The following OXSR1 variants were observed in gnomAD, a reference collection of about 807,000 sequenced individuals.
OXSR1 encodes oxidative stress responsive kinase 1, also known as serine/threonine-protein kinase OSR1.
A neutral mutation model predicts 79.8 loss-of-function variants in OXSR1; 24 were observed. The ratio of observed to expected loss-of-function variants is 0.30; its 90% CI spans 0.22 to 0.42. The LOEUF is 0.42. Among genes scored for constraint, OXSR1 ranks in the 10% least tolerant of loss-of-function variants. The pLI is 1.00. For missense variants in OXSR1, 430 were observed against 618.4 expected (o/e 0.70, Z 3.23); for synonymous variants, 226 against 209.2 (o/e 1.08, Z -0.69).
Position 38,253,709 on chromosome 3 carries a change from A to G in OXSR1, c.*818A>G, listed in dbSNP as rs1703305420. ...GGAAAATCATAATTCATATCATTGG[A>G]GAAGTATTTATTTTCAAATATCAAA... On this transcript the variant is annotated 3_prime_UTR_variant, in exon 18 of 18. Transcript: ENST00000311806. The G allele has an allele frequency of 6.5e-6, 1 of 153,692 alleles. No homozygotes were observed. Among genetic ancestry groups the G allele is most frequent in the African/African-American group, 2.4e-5 (1 of 41,490 alleles). 9.5% of individuals were successfully genotyped at this position (153,692 alleles called of 1,614,324 possible).
chr3:38,211,898 T>TTTGTAG (rs1278772950), intron 4 of OXSR1, among the ~76,000 whole-genome samples: 1 of 152,216 alleles, frequency 6.6e-6, no homozygotes, highest in African/African-American at 2.4e-5. Context: ...GAAGGGTGTG[T>TTTGTAG]TTTGGGTCAA....
Position 38,234,199 on chromosome 3 carries a change from C to T in OXSR1, c.952-2640C>T, listed in dbSNP as rs553460373. ...TGGGAATTTGAGCTAGGCAAAGCTTCCTTAGATATGATACCAAAAATACAA... is the reference window on the plus strand; with the variant it reads ...TGGGAATTTGAGCTAGGCAAAGCTTTCTTAGATATGATACCAAAAATACAA... On this transcript the variant is annotated intron_variant, in intron 10 of 17. Transcript: ENST00000311806. 4.6e-5 allele frequency among the ~76,000 whole-genome samples: 7 copies of T among 152,202 alleles called. No individual in the cohort carries two copies. In the South Asian group the frequency reaches 6.2e-4, roughly 14 times the overall value.
At chr3:38,222,843 T>TA (rs1483490456) in intron 6 of OXSR1, among the ~76,000 whole-genome samples, 1 of 152,210 alleles carries the variant, frequency 6.6e-6, no homozygotes, top group African/African-American at 2.4e-5. Context: ...TTCTTTCTAG[T>TA]ATTTTACTGT....
At chr3:38,215,656 C>T (rs1015339967) in intron 4 of OXSR1, among the ~76,000 whole-genome samples, 6 of 151,984 alleles carry the variant, frequency 3.9e-5, no homozygotes, top group African/African-American at 7.3e-5. Context: ...TTCTATATTA[C>T]GTGTTATAAA....
intron 11 of OXSR1, among the ~76,000 whole-genome samples, chr3:38,238,683 A>T (rs920835529): frequency 2.6e-5 from 4 of 151,912 alleles, no homozygotes; most frequent in South Asian, 4.1e-4. Flanking sequence ...TGACATTCTT[A>T]TTCTTGTTCC....
At chr3:38,236,236 T>C (rs1438379660) in intron 10 of OXSR1, among the ~76,000 whole-genome samples, 1 of 6,444 alleles carries the variant, frequency 1.6e-4, no homozygotes, top group African/African-American at 6.7e-4. Flanking sequence ...AGAGTTAAAT[T>C]TTCATCTTCT....
chr3:38,206,005 C>T (rs1702257640), intron 4 of OXSR1, among the ~76,000 whole-genome samples: 1 of 152,088 alleles, frequency 6.6e-6, no homozygotes, highest in Admixed American at 6.5e-5. Flanking sequence ...CATTTGGTTG[C>T]CTTGAGATTA....
chr3:38,233,765 A>G (rs1433199322), intron 10 of OXSR1, among the ~76,000 whole-genome samples: 1 of 151,936 alleles, frequency 6.6e-6, no homozygotes, highest in Non-Finnish European at 1.5e-5. Context: ...AAAAAAAATT[A>G]GCTGGGCATG....
intron 1 of OXSR1, among the ~76,000 whole-genome samples, chr3:38,170,185 C>T (rs1701550894): frequency 1.3e-5 from 2 of 152,046 alleles, no homozygotes; most frequent in African/African-American, 2.4e-5. Context: ...GGTGGGATTA[C>T]ACATGCGTGC....
At chr3:38,188,056 A>G (rs1701915878) in intron 2 of OXSR1, among the ~76,000 whole-genome samples, 2 of 152,230 alleles carry the variant, frequency 1.3e-5, no homozygotes, top group Admixed American at 6.5e-5. Context: ...CCCCCTTTAA[A>G]GGAATAGAAG....
At chr3:38,177,265 A>G (rs920276858) in intron 1 of OXSR1, among the ~76,000 whole-genome samples, 5 of 152,238 alleles carry the variant, frequency 3.3e-5, no homozygotes, top group Non-Finnish European at 5.9e-5. Context: ...CACTGAAGGC[A>G]AGAGAAAGCA....
chr3:38,248,273 T>A (rs531709891), intron 14 of OXSR1, among the ~76,000 whole-genome samples: 1 of 151,910 alleles, frequency 6.6e-6, no homozygotes, highest in African/African-American at 2.4e-5. Flanking sequence ...TATAGAGAGG[T>A]CCTGACAGAT....
intron 4 of OXSR1, among the ~76,000 whole-genome samples, chr3:38,204,123 A>C (rs1266832272): frequency 1.3e-5 from 2 of 151,610 alleles, no homozygotes; most frequent in African/African-American, 4.9e-5. Context: ...CCACTGCCCC[A>C]AGCTCATGGC....
chr3:38,196,684 A>G lies in OXSR1; in HGVS notation c.293-2038A>G, dbSNP rs534326471. 1.2e-3 allele frequency among the ~76,000 whole-genome samples: 180 copies of G among 152,356 alleles called. 10 individuals carry two copies. The South Asian group carries it at 0.036, about 30-fold the overall frequency. ...AGTTTGAAAAGGAGTTCCTGCTTCA[A>G]ACTCTTTGCAGACTTAGTCACTTTT... On this transcript the variant is annotated intron_variant, in intron 3 of 17. Transcript: ENST00000311806.
intron 5 of OXSR1, among the ~76,000 whole-genome samples, chr3:38,219,167 G>C (rs1481011494): frequency 6.6e-6 from 1 of 152,072 alleles, no homozygotes; most frequent in Non-Finnish European, 1.5e-5. Flanking sequence ...GGTAAAGGGG[G>C]TATTATCACT....
chr3:38,231,172 T>G (rs2125842980), intron 10 of OXSR1, among the ~76,000 whole-genome samples: 1 of 152,310 alleles, frequency 6.6e-6, no homozygotes, highest in East Asian at 1.9e-4. Context: ...TTTTGATACA[T>G]TCCAAGAATT....
intron 5 of OXSR1, among the ~76,000 whole-genome samples, chr3:38,217,190 T>TAACAAA (rs1479052195): frequency 2.0e-5 from 3 of 152,228 alleles, no homozygotes; most frequent in African/African-American, 7.2e-5. Flanking sequence ...ACTAGTAATT[T>TAACAAA]GTTAAATGCA....
chr3:38,181,273 G>T (rs1291823662), intron 1 of OXSR1, among the ~76,000 whole-genome samples: 1 of 150,576 alleles, frequency 6.6e-6, no homozygotes, highest in Non-Finnish European at 1.5e-5. Context: ...GTATGTTTCA[G>T]TTGTATAATT....
At position 38,237,025 on chromosome 3, in the gene OXSR1, G is replaced by A. The variant is rs1575365982; in HGVS notation, c.1074+64G>A. 10 of 1,412,984 alleles carry A rather than the reference G, an allele frequency of 7.1e-6. No individual in the cohort carries two copies. In the East Asian group the frequency reaches 1.7e-4, roughly 23 times the overall value. 87.5% of individuals were successfully genotyped at this position (1,412,984 alleles called of 1,614,324 possible). The stretch of plus-strand genomic sequence containing the variant: ...TTGTAGTTCTTGTTCAGCTTAACCA[G>A]CTAAAATATAAAGAATACAATTGTA... On this transcript the variant is annotated intron_variant, in intron 11 of 17. Coordinates refer to ENST00000311806, the MANE Select transcript of OXSR1 (RefSeq NM_005109.3).
Sources: gnomAD v4.1 joint callset for allele counts (sites outside exome capture counted in the v4.1 genomes callset) on GRCh38, gnomAD v4.1.1 for gene constraint, MANE v1.5 for transcripts, NCBI Gene and HGNC (gene_info 2026-07-23, HGNC 2026-07-21) for gene names.